PLD1: variants seen among roughly 807,000 people sequenced by gnomAD.
The protein encoded by PLD1 is phospholipase D1, also known as choline phosphatase 1.
In PLD1, 112 loss-of-function variants were observed where a neutral mutation model predicts 137.1. The ratio of observed to expected loss-of-function variants is 0.82; its 90% CI spans 0.70 to 0.96. The LOEUF is 0.96. Ranked by LOEUF, PLD1 falls within the 40% of genes least tolerant of loss-of-function variation. The probability of loss-of-function intolerance (pLI) is 0.00; values close to 1 mark genes in which losing one functional copy is unlikely to be tolerated. For synonymous variants in PLD1, 431 were observed against 454.7 expected, an observed-to-expected ratio of 0.95 and a Z score of 0.66; for missense variants, 1,321 against 1,342.0, an observed-to-expected ratio of 0.98 and a Z score of 0.24.
At chr3:171,749,907 G>A (rs1391694806) in intron 1 of PLD1, among the ~76,000 whole-genome samples, 1 of 152,158 alleles carries the variant, frequency 6.6e-6, no homozygotes, top group Non-Finnish European at 1.5e-5. Context: ...TTCTGCTACT[G>A]CCCACCACAG....
intron 16 of PLD1, among the ~76,000 whole-genome samples, chr3:171,683,468 G>A (rs1465991678): frequency 1.3e-5 from 2 of 152,060 alleles, no homozygotes; most frequent in East Asian, 1.9e-4. Flanking sequence ...CCGTATTCCT[G>A]GAACACACCC....
At chr3:171,677,127 A>G (rs1246290554) in intron 17 of PLD1, among the ~76,000 whole-genome samples, 1 of 152,206 alleles carries the variant, frequency 6.6e-6, no homozygotes, top group Non-Finnish European at 1.5e-5. Flanking sequence ...ATTTGATATT[A>G]TATTTTTTAT....
chr3:171,646,547 C>A (rs1736233817), intron 21 of PLD1, among the ~76,000 whole-genome samples: 1 of 151,806 alleles, frequency 6.6e-6, no homozygotes, highest in African/African-American at 2.4e-5. Flanking sequence ...GGATTATTCA[C>A]TAGATGGCAA....
At chr3:171,679,757 C>A in intron 16 of PLD1, among the ~76,000 whole-genome samples, 1 of 152,116 alleles carries the variant, frequency 6.6e-6, no homozygotes, top group East Asian at 1.9e-4. Flanking sequence ...TAGCCATGGC[C>A]TAAAAACTAT....
At chr3:171,645,951 C>T (rs1200416366) in intron 21 of PLD1, among the ~76,000 whole-genome samples, 1 of 147,196 alleles carries the variant, frequency 6.8e-6, no homozygotes, top group African/African-American at 2.5e-5. Context: ...CCTGCACATA[C>T]AACACAATAT....
chr3:171,633,368 A>C (rs938139539), intron 23 of PLD1, among the ~76,000 whole-genome samples: 13 of 152,200 alleles, frequency 8.5e-5, no homozygotes, highest in Non-Finnish European at 1.6e-4. Flanking sequence ...CAAGTATAAG[A>C]AAGAGTCCCA....
intron 1 of PLD1, chr3:171,788,513 T>C (rs73176185): frequency 3.3e-5 from 5 of 152,328 alleles, no homozygotes; most frequent in African/African-American, 4.8e-5. Flanking sequence ...GGTTTTCTAA[T>C]ATCCCGTCTC....
chr3:171,622,617 C>T (rs1025823599), intron 23 of PLD1, among the ~76,000 whole-genome samples: 3 of 151,298 alleles, frequency 2.0e-5, no homozygotes, highest in Non-Finnish European at 2.9e-5. Flanking sequence ...TGAATACTTT[C>T]TTAACATGCT....
chr3:171,764,830 AGAAAGAAAG>A (rs1721707249), intron 1 of PLD1, among the ~76,000 whole-genome samples: 3 of 7,310 alleles, frequency 4.1e-4, no homozygotes, highest in Admixed American at 1.8e-3. Flanking sequence ...AGAAAGAGAA[AGAAAGAAAG>A]AAAGAAAGAA....
intron 1 of PLD1, among the ~76,000 whole-genome samples, chr3:171,759,044 C>G (rs1464970677): frequency 6.6e-6 from 1 of 152,224 alleles, no homozygotes; most frequent in African/African-American, 2.4e-5. Flanking sequence ...CCTTCCTTCA[C>G]AATCCAGCAG....
At chr3:171,785,959 C>T (rs143992030) in intron 1 of PLD1, among the ~76,000 whole-genome samples, 13 of 152,318 alleles carry the variant, frequency 8.5e-5, no homozygotes, top group African/African-American at 2.6e-4. Flanking sequence ...TGTTAAAGCA[C>T]TAAACAGTGC....
chr3:171,782,439 A>G (rs1722831299), intron 1 of PLD1, among the ~76,000 whole-genome samples: 1 of 152,254 alleles, frequency 6.6e-6, no homozygotes, highest in African/African-American at 2.4e-5. Flanking sequence ...ATAGGGAAGG[A>G]AATTAATCAT....
intron 1 of PLD1, among the ~76,000 whole-genome samples, chr3:171,774,154 T>C (rs1722510528): frequency 6.6e-6 from 1 of 152,306 alleles, no homozygotes; most frequent in African/African-American, 2.4e-5. Flanking sequence ...CCCAGGTCGG[T>C]GCTCCTAGCC....
Position 171,737,580 on chromosome 3 carries a change from T to C in PLD1, c.240A>G (p.Pro80=). Reference sequence around the variant, plus strand: ...CCACTTCCAGAACTTGTGCTTTTATTGGACAGCCGGAGAGATACGTCTGTA... The same window carrying C: ...CCACTTCCAGAACTTGTGCTTTTATCGGACAGCCGGAGAGATACGTCTGTA... ...PNIQTYLSGC[P]IKAQVLEVER... is the part of the protein sequence containing the mutation. Residue 80 remains proline, a synonymous_variant, in exon 3 of 27, where the codon CCA becomes CCG. Transcript: ENST00000351298. 6.2e-7 allele frequency: 1 copy of C among 1,613,210 alleles called. No individual in the cohort carries two copies.
At chr3:171,626,609 C>T (rs1578134655) in intron 23 of PLD1, among the ~76,000 whole-genome samples, 1 of 151,904 alleles carries the variant, frequency 6.6e-6, no homozygotes, top group Non-Finnish European at 1.5e-5. Context: ...AGAGAAAGGT[C>T]GGGTTACCCA....
rs902866159 is a variant in PLD1, at chr3:171,718,873, C to A, written c.759-4828G>T. On this transcript the variant is annotated intron_variant, in intron 8 of 26. Coordinates refer to ENST00000351298, the MANE Select transcript of PLD1 (RefSeq NM_002662.5). ...ACTCATGCACATGCTTAGCACAGTG[C>A]CTGGCCCCAATACATGCGAACTATT... 3.3e-5 allele frequency among the ~76,000 whole-genome samples: 5 copies of A among 152,254 alleles called. No individual in the cohort carries two copies. In the South Asian group the frequency reaches 1.0e-3, roughly 32 times the overall value.
intron 1 of PLD1, among the ~76,000 whole-genome samples, chr3:171,740,780 T>C (rs1719722764): frequency 6.6e-6 from 1 of 152,212 alleles, no homozygotes. Flanking sequence ...AAGTGTTTAT[T>C]ACATGCTAAA....
intron 22 of PLD1, 94 bp downstream of exon 22, chr3:171,644,816 A>C: frequency 1.3e-6 from 1 of 785,470 alleles, no homozygotes; most frequent in South Asian, 1.4e-5. Context: ...TCCCCACTCC[A>C]CCGAATGGAT....
intron 26 of PLD1, among the ~76,000 whole-genome samples, chr3:171,604,992 C>G (rs1181967296): frequency 6.6e-6 from 1 of 152,188 alleles, no homozygotes; most frequent in Non-Finnish European, 1.5e-5. Flanking sequence ...ATCTGCCCCT[C>G]TTCTCTTTGT....
Sources: allele counts gnomAD v4.1 joint callset (sites outside exome capture counted in the v4.1 genomes callset), GRCh38; gene constraint gnomAD v4.1.1; transcripts MANE v1.5; gene names NCBI Gene and HGNC (gene_info 2026-07-23, HGNC 2026-07-21).